ERI1: variants seen among roughly 807,000 people sequenced by gnomAD.
The protein encoded by ERI1 is 3'-5' exoribonuclease 1.
In ERI1, 39 loss-of-function variants were observed where a neutral mutation model predicts 39.7. That is an observed-to-expected ratio of 0.98 (90% CI 0.76 to 1.28). The LOEUF (loss-of-function observed/expected upper bound fraction) is 1.28, where lower values mean the gene tolerates loss of function less well. Ranked by LOEUF, ERI1 falls within the 50% of genes most tolerant of loss-of-function variation. The probability of loss-of-function intolerance (pLI) is 0.00; values close to 1 mark genes in which losing one functional copy is unlikely to be tolerated. For missense variants in ERI1, 581 were observed against 416.9 expected, an observed-to-expected ratio of 1.39 and a Z score of -3.43; for synonymous variants, 204 against 149.6, an observed-to-expected ratio of 1.36 and a Z score of -2.65.
chr8:9,077,441 G>A (rs936969749), intron 3 of ERI1, among the ~76,000 whole-genome samples: 1 of 152,172 alleles, frequency 6.6e-6, no homozygotes, highest in African/African-American at 2.4e-5. Context: ...ATGTGCCTAT[G>A]TGCACAGGAG....
intron 3 of ERI1, among the ~76,000 whole-genome samples, chr8:9,089,419 G>A (rs184618740): frequency 4.4e-4 from 67 of 152,328 alleles, no homozygotes; most frequent in African/African-American, 1.4e-3. Context: ...TCTCTTTCCA[G>A]TGGGGAACTT....
chr8:9,006,135 G>C (rs998875130), intron 1 of ERI1, among the ~76,000 whole-genome samples: 1 of 152,174 alleles, frequency 6.6e-6, no homozygotes, highest in Non-Finnish European at 1.5e-5. Context: ...AATACAAGTA[G>C]GGTTTTTAGT....
chr8:9,026,034 A>G (rs896248719), intron 6 of ERI1, among the ~76,000 whole-genome samples: 1 of 152,182 alleles, frequency 6.6e-6, no homozygotes, highest in Non-Finnish European at 1.5e-5. Context: ...GTTTGGCATC[A>G]TCTTTCCTGA....
At chr8:9,075,428 G>C (rs1361167534) in intron 3 of ERI1, among the ~76,000 whole-genome samples, 1 of 151,672 alleles carries the variant, frequency 6.6e-6, no homozygotes, top group African/African-American at 2.4e-5. Context: ...CACAGCTAAA[G>C]ACATTCACTT....
intron 3 of ERI1, among the ~76,000 whole-genome samples, chr8:9,098,574 G>A (rs1485803882): frequency 6.6e-6 from 1 of 152,086 alleles, no homozygotes; most frequent in Non-Finnish European, 1.5e-5. Context: ...TCCAGGCAAT[G>A]GTTGGGAGGG....
Position 9,053,908 on chromosome 8 carries a change from C to T in ERI1, n.299+33444C>T, listed in dbSNP as rs970317283. 2.0e-5 allele frequency among the ~76,000 whole-genome samples: 3 copies of T among 152,194 alleles called. No individual in the cohort carries two copies. In the South Asian group the frequency reaches 6.2e-4, roughly 32 times the overall value. ...ATCATTGATAACAGAGTATAGTATT[C>T]TCTTTCTCTGCTTTCTTCCTCTCTT... On this transcript the variant is annotated intron_variant and non_coding_transcript_variant, in intron 3 of 3. Transcript: ENST00000518663.
intron 3 of ERI1, among the ~76,000 whole-genome samples, chr8:9,081,403 G>T (rs911774641): frequency 5.3e-5 from 8 of 152,156 alleles, no homozygotes; most frequent in African/African-American, 1.7e-4. Context: ...GTGCATTGAG[G>T]TTCTTTATAC....
chr8:9,061,435 G>T (rs1798693002), intron 3 of ERI1, among the ~76,000 whole-genome samples: 3 of 152,228 alleles, frequency 2.0e-5, no homozygotes, highest in Admixed American at 2.0e-4. Context: ...GCAGAAAATA[G>T]ACTTGGGAAG....
At chr8:9,048,427 A>G (rs2117365547) in intron 3 of ERI1, 1 of 154,232 alleles carries the variant, frequency 6.5e-6, no homozygotes, top group African/African-American at 2.4e-5. Context: ...CGTCCTTAAG[A>G]AGAAGAAAGA....
intron 3 of ERI1, among the ~76,000 whole-genome samples, chr8:9,071,626 T>A (rs550354290): frequency 6.6e-6 from 1 of 152,366 alleles, no homozygotes; most frequent in South Asian, 2.1e-4. Context: ...GGTAACCCAT[T>A]CTACAGGGAA....
chr8:9,088,540 A>G (rs1799602501), intron 3 of ERI1: 1 of 152,166 alleles, frequency 6.6e-6, no homozygotes. Context: ...ATGCAAGCGG[A>G]CGTTTGTGTA....
intron 3 of ERI1, among the ~76,000 whole-genome samples, chr8:9,087,541 C>T (rs1799570105): frequency 6.6e-6 from 1 of 151,394 alleles, no homozygotes; most frequent in African/African-American, 2.4e-5. Context: ...CAGGCTTGAG[C>T]CACTGCACCC....
chr8:9,048,931 C>T (rs1274319507), intron 3 of ERI1, among the ~76,000 whole-genome samples: 2 of 152,096 alleles, frequency 1.3e-5, no homozygotes, highest in African/African-American at 4.8e-5. Flanking sequence ...CAGGCGTGAG[C>T]CACCGCGCTC....
chr8:9,097,453 C>T (rs1477776229), intron 3 of ERI1, among the ~76,000 whole-genome samples: 1 of 151,942 alleles, frequency 6.6e-6, no homozygotes, highest in Non-Finnish European at 1.5e-5. Context: ...TCCTGAGTAT[C>T]ACAGGCTGAG....
intron 3 of ERI1, among the ~76,000 whole-genome samples, chr8:9,096,520 G>A (rs1018595118): frequency 6.6e-6 from 1 of 152,056 alleles, no homozygotes; most frequent in Non-Finnish European, 1.5e-5. Flanking sequence ...CGTCACTGCT[G>A]GACTGTGAAA....
chr8:9,094,486 ACCTGTTTGC>A (rs1411039342), intron 3 of ERI1, among the ~76,000 whole-genome samples: 1 of 152,102 alleles, frequency 6.6e-6, no homozygotes, highest in East Asian at 1.9e-4. Flanking sequence ...CATCTGCCCC[ACCTGTTTGC>A]TCTGCGCACA....
intron 3 of ERI1, among the ~76,000 whole-genome samples, chr8:9,057,819 G>A (rs1251817119): frequency 2.0e-5 from 3 of 152,230 alleles, no homozygotes; most frequent in Admixed American, 6.5e-5. Flanking sequence ...AGCCCAGCAA[G>A]GAGGTGAGAG....
At chr8:9,014,899 T>G (rs1817063217) in intron 3 of ERI1, among the ~76,000 whole-genome samples, 1 of 152,074 alleles carries the variant, frequency 6.6e-6, no homozygotes, top group Non-Finnish European at 1.5e-5. Flanking sequence ...GAGCAGTGGC[T>G]CAATCTCGGC....
intron 6 of ERI1, among the ~76,000 whole-genome samples, chr8:9,028,947 C>T (rs917351815): frequency 2.1e-5 from 3 of 145,060 alleles, no homozygotes; most frequent in Non-Finnish European, 3.0e-5. Context: ...AGTGGAGGCA[C>T]ATATTGGAAT....
Sources: gnomAD v4.1 joint callset for allele counts (sites outside exome capture counted in the v4.1 genomes callset) on GRCh38, gnomAD v4.1.1 for gene constraint, MANE v1.5 for transcripts, NCBI Gene and HGNC (gene_info 2026-07-23, HGNC 2026-07-21) for gene names.